FLYWCH1: variants seen among roughly 807,000 people sequenced by gnomAD.
The protein encoded by FLYWCH1 is FLYWCH-type zinc finger 1, also known as FLYWCH-type zinc finger-containing protein 1.
A neutral mutation model predicts 66.4 loss-of-function variants in FLYWCH1; 75 were observed. The observed-to-expected ratio is 1.13, with a 90% confidence interval of 0.94 to 1.37. The LOEUF is 1.37. Among genes scored for constraint, FLYWCH1 ranks in the 40% most tolerant of loss-of-function variants. FLYWCH1 has a pLI of 0.00. For missense variants in FLYWCH1, 1,334 were observed against 1,001.8 expected (o/e 1.33, Z -4.48); for synonymous variants, 595 against 429.9 (o/e 1.38, Z -4.75).
chr16:2,948,989 G>C lies in FLYWCH1; in HGVS notation c.*262G>C, dbSNP rs970068475. 2.0e-6 allele frequency: 1 copy of C among 505,314 alleles called. No homozygotes were observed. The highest frequency in any genetic ancestry group is 1.9e-5 in the African/African-American group (1 of 51,582). 31.3% of individuals were successfully genotyped at this position (505,314 alleles called of 1,614,324 possible). Reference sequence around the variant, plus strand: ...GGGCGGTGGCGCCTTCCTGACCTTTGGAAGACATGACAAAGCTGCCTGGAC... The same window carrying C: ...GGGCGGTGGCGCCTTCCTGACCTTTCGAAGACATGACAAAGCTGCCTGGAC... On this transcript the variant is annotated 3_prime_UTR_variant, in exon 10 of 10. Coordinates refer to ENST00000253928, the MANE Select transcript of FLYWCH1 (RefSeq NM_001308068.2).
chr16:2,922,917 C>A, intron 2 of FLYWCH1: 1 of 523,754 alleles, frequency 1.9e-6, no homozygotes, highest in Admixed American at 1.9e-5. Flanking sequence ...TGGTCAAGCT[C>A]GTTTCTCCTG....
At chr16:2,924,399 G>A (rs1164995077) in intron 2 of FLYWCH1, among the ~76,000 whole-genome samples, 1 of 152,028 alleles carries the variant, frequency 6.6e-6, no homozygotes, top group Non-Finnish European at 1.5e-5. Context: ...ATCAGCTATT[G>A]TGTAGCATAC....
chr16:2,916,988 A>AT (rs1423383962), intron 2 of FLYWCH1, among the ~76,000 whole-genome samples: 67 of 149,510 alleles, frequency 4.5e-4, no homozygotes, highest in Non-Finnish European at 8.5e-4. Context: ...AGTAAAAAAA[A>AT]AAAAAAAAAT....
intron 7 of FLYWCH1, among the ~76,000 whole-genome samples, 162 bp from the exon 8 acceptor site, chr16:2,938,022 C>G (rs2071089921): frequency 6.6e-6 from 1 of 152,182 alleles, no homozygotes; most frequent in Non-Finnish European, 1.5e-5. Flanking sequence ...GCGTGGGAGT[C>G]TGGGCTGCAG....
intron 2 of FLYWCH1, among the ~76,000 whole-genome samples, chr16:2,926,377 A>G (rs1335808028): frequency 6.6e-6 from 1 of 152,234 alleles, no homozygotes; most frequent in African/African-American, 2.4e-5. Flanking sequence ...ACAGGAGAAG[A>G]TAGCGTTTCA....
At chr16:2,913,067 T>C (rs1282532998) in intron 1 of FLYWCH1, 22 of 152,226 alleles carry the variant, frequency 1.4e-4, no homozygotes, top group Admixed American at 1.4e-3. Flanking sequence ...GCGGAGTGTT[T>C]ATGACGCCCA....
chr16:2,936,415 C>A (rs912001055), intron 6 of FLYWCH1: 13 of 456,178 alleles, frequency 2.8e-5, no homozygotes, highest in Non-Finnish European at 5.3e-5. Context: ...CCCTCTCCAT[C>A]CCTCTTGAAG....
At position 2,933,705 on chromosome 16, in the gene FLYWCH1, A is replaced by C; in HGVS notation, c.1250-11A>C. On this transcript the variant is annotated splice_polypyrimidine_tract_variant and intron_variant, in intron 5 of 9. Coordinates refer to ENST00000253928, the MANE Select transcript of FLYWCH1 (RefSeq NM_001308068.2). ...TGTCCCCTCCCCTGACTGCCTCTTG[A>C]ACCTCCCCAGGAGGCCCTGAGTTCC... 6.2e-7 allele frequency: 1 copy of C among 1,608,474 alleles called. No homozygotes were observed.
At chr16:2,939,199 A>G (rs547063798) in intron 8 of FLYWCH1, among the ~76,000 whole-genome samples, 2 of 152,088 alleles carry the variant, frequency 1.3e-5, no homozygotes, top group African/African-American at 4.8e-5. Context: ...TAATCCCAGC[A>G]CTTTGGGAGG....
intron 9 of FLYWCH1, among the ~76,000 whole-genome samples, chr16:2,947,555 G>C (rs2071535315): frequency 6.6e-6 from 1 of 152,158 alleles, no homozygotes; most frequent in Non-Finnish European, 1.5e-5. Flanking sequence ...GAGTTCAGGA[G>C]TTTGAGACCA....
intron 6 of FLYWCH1, 114 bp downstream of exon 6, chr16:2,934,093 A>G: frequency 7.8e-7 from 1 of 1,280,388 alleles, no homozygotes; most frequent in Non-Finnish European, 1.0e-6. Context: ...CCTTCTTTGA[A>G]CATCCTAGAA....
At position 2,933,390 on chromosome 16, in the gene FLYWCH1, G is replaced by C; in HGVS notation, c.1057G>C (p.Ala353Pro). The change falls in exon 5 of 10, where the codon GCT becomes CCT. Residue 353 changes from alanine to proline, a missense_variant. Physicochemically the swap from Ala to Pro is conservative, Grantham distance 27. Transcript: ENST00000253928. ...GGAGAAGGCCGTGGAGACGCTGCAG[G>C]CTGGGCAGGACGGCCCTGGGAGCCA... ...QQEKAVETLQ[A>P]GQDGPGSQVD... 4 of 1,602,358 alleles carry C rather than the reference G, an allele frequency of 2.5e-6. No individual in the cohort carries two copies. Among genetic ancestry groups the C allele is most frequent in the Non-Finnish European group, 3.4e-6 (4 of 1,175,282 alleles).
intron 6 of FLYWCH1, chr16:2,936,836 C>T (rs750801807): frequency 4.6e-5 from 28 of 612,610 alleles, no homozygotes; most frequent in South Asian, 1.2e-4. Context: ...TGGGGACGGA[C>T]GAGTGACGCA....
chr16:2,930,046 C>A, intron 3 of FLYWCH1, 36 bp downstream of exon 3: 1 of 1,568,432 alleles, frequency 6.4e-7, no homozygotes, highest in South Asian at 1.2e-5. Context: ...CCAGCCACCC[C>A]GTGGGTTCCA....
At chr16:2,931,167 C>G (rs962434654) in intron 4 of FLYWCH1, among the ~76,000 whole-genome samples, 4 of 151,794 alleles carry the variant, frequency 2.6e-5, no homozygotes, top group Non-Finnish European at 5.9e-5. Context: ...GCCGGGCATG[C>G]TGGTGCGCAC....
At chr16:2,945,890 G>A (rs976936962) in intron 9 of FLYWCH1, among the ~76,000 whole-genome samples, 11 of 151,928 alleles carry the variant, frequency 7.2e-5, no homozygotes, top group East Asian at 1.9e-4. Flanking sequence ...CCAGTTACTC[G>A]GGAGGCTGAG....
intron 2 of FLYWCH1, among the ~76,000 whole-genome samples, chr16:2,919,435 T>G (rs2070290438): frequency 6.6e-6 from 1 of 151,934 alleles, no homozygotes. Context: ...CCAGCTAATT[T>G]TTGTATTTTT....
At chr16:2,928,199 A>T (rs1476489823) in intron 2 of FLYWCH1, among the ~76,000 whole-genome samples, 1 of 152,192 alleles carries the variant, frequency 6.6e-6, no homozygotes, top group Non-Finnish European at 1.5e-5. Context: ...GGTCGGCTTT[A>T]CACTGAGACA....
intron 4 of FLYWCH1, among the ~76,000 whole-genome samples, chr16:2,931,585 C>G (rs1294462397): frequency 6.6e-6 from 1 of 151,930 alleles, no homozygotes; most frequent in African/African-American, 2.4e-5. Flanking sequence ...CACTGCCCTC[C>G]AGCCTGGACA....
Sources: gnomAD v4.1 joint callset for allele counts (sites outside exome capture counted in the v4.1 genomes callset) on GRCh38, gnomAD v4.1.1 for gene constraint, MANE v1.5 for transcripts, NCBI Gene and HGNC (gene_info 2026-07-23, HGNC 2026-07-21) for gene names.